Variants in RGSL1 observed in about 807,000 individuals in gnomAD.
The protein encoded by RGSL1 is regulator of G protein signaling protein-like.
A neutral mutation model predicts 124.7 loss-of-function variants in RGSL1; 97 were observed. The observed-to-expected ratio is 0.78, with a 90% confidence interval of 0.66 to 0.92. The LOEUF (loss-of-function observed/expected upper bound fraction) is 0.92, where lower values mean the gene tolerates loss of function less well. RGSL1 is among the 40% of genes least tolerant of loss of function. RGSL1 has a pLI of 0.00. For synonymous variants in RGSL1, 424 were observed against 438.1 expected (o/e 0.97, Z 0.40); for missense variants, 1,233 against 1,288.4 (o/e 0.96, Z 0.66).
Position 182,460,131 on chromosome 1 carries a change from G to A in RGSL1, c.299G>A (p.Gly100Glu). Residue 100 changes from glycine (G) to glutamate (E), a missense_variant and splice_region_variant, in exon 4 of 22, where the codon GGA (glycine) becomes GAA (glutamate). Gly to Glu is a moderately conservative substitution (Grantham distance 98). Coordinates refer to ENST00000294854, the MANE Select transcript of RGSL1 (RefSeq NM_001137669.2). ...ATCAGTTTCATTAAGTCCCCAGAAGGAGGTAAGCATTGGTGTGCATGCGTG... is the reference window on the plus strand; with the variant it reads ...ATCAGTTTCATTAAGTCCCCAGAAGAAGGTAAGCATTGGTGTGCATGCGTG... ...EFISFIKSPEGGEELVDFWIL... is the reference protein window; with the variant it reads ...EFISFIKSPEEGEELVDFWIL... 12 of 1,549,742 alleles carry A rather than the reference G, an allele frequency of 7.7e-6. No homozygotes were observed. Among genetic ancestry groups the A allele is most frequent in the Admixed American group, 3.9e-5 (2 of 50,830 alleles).
At chr1:182,552,369 G>A (rs760046079) in intron 18 of RGSL1, among the ~76,000 whole-genome samples, 57 of 152,178 alleles carry the variant, frequency 3.7e-4, no homozygotes, top group Admixed American at 6.5e-4. Context: ...CCCCCTCAGT[G>A]TCCCAAAGTG....
chr1:182,508,216 C>G (rs1035424671), intron 9 of RGSL1, among the ~76,000 whole-genome samples: 4 of 151,184 alleles, frequency 2.6e-5, no homozygotes, highest in African/African-American at 9.8e-5. Context: ...TGATAAAAAG[C>G]CATTTTAACT....
At position 182,532,635 on chromosome 1, in the gene RGSL1, A is replaced by G. The variant is rs1659255122; in HGVS notation, c.2365-27A>G. On this transcript the variant is annotated intron_variant, in intron 13 of 21. Coordinates refer to ENST00000294854, the MANE Select transcript of RGSL1 (RefSeq NM_001137669.2). ...GTGAACAGCAACCATACTAATGAAC[A>G]TGTTATACTCCTCTTTCTTTCCCCA... The G allele has an allele frequency of 1.9e-6, 3 of 1,547,768 alleles. No individual in the cohort carries two copies. In the Admixed American group the frequency reaches 5.9e-5, roughly 30 times the overall value.
At chr1:182,523,731 A>G (rs189994443) in intron 10 of RGSL1, among the ~76,000 whole-genome samples, 10 of 152,340 alleles carry the variant, frequency 6.6e-5, no homozygotes, top group Admixed American at 1.3e-4. Flanking sequence ...TATTGATTAT[A>G]TACTGTATTC....
At chr1:182,500,443 G>T (rs1225414562) in intron 9 of RGSL1, among the ~76,000 whole-genome samples, 1 of 152,168 alleles carries the variant, frequency 6.6e-6, no homozygotes, top group Non-Finnish European at 1.5e-5. Context: ...ATCAGGAGAT[G>T]TGAGTCCTTC....
In RGSL1 at chr1:182,530,838, A is replaced by G. The variant is rs1352335889; in HGVS notation, c.2292A>G (p.Glu764=). Residue 764 remains glutamate (E), a synonymous_variant, in exon 13 of 22, where the codon GAA becomes GAG. Transcript: ENST00000294854. ...TCCCACCTCACCATCAGGAGGTGGA[A>G]GTGCAAAGTGAAGTACAAATTTCGT... is the stretch of plus-strand genomic sequence containing the variant. ...DLFPPHHQEV[E]VQSEVQISSR... 1 of 1,550,220 alleles carries G rather than the reference A, an allele frequency of 6.5e-7. No individual in the cohort carries two copies. Among genetic ancestry groups the G allele is most frequent in the Non-Finnish European group, 8.7e-7 (1 of 1,146,220 alleles).
At chr1:182,507,651 C>A (rs932169694) in intron 9 of RGSL1, among the ~76,000 whole-genome samples, 13 of 151,730 alleles carry the variant, frequency 8.6e-5, no homozygotes, top group African/African-American at 3.1e-4. Context: ...TTAGGTTGAT[C>A]TCATATCTTG....
intron 9 of RGSL1, among the ~76,000 whole-genome samples, chr1:182,503,240 T>G (rs985094974): frequency 6.6e-6 from 1 of 152,152 alleles, no homozygotes. Context: ...TAGCCAAGAT[T>G]TGGAAGCAAC....
At chr1:182,522,828 A>G (rs1030598586) in intron 10 of RGSL1, among the ~76,000 whole-genome samples, 4 of 152,138 alleles carry the variant, frequency 2.6e-5, no homozygotes, top group Admixed American at 6.5e-5. Context: ...TGACTTGACT[A>G]TAATTTTCTT....
chr1:182,532,576 T>C (rs886781732), intron 13 of RGSL1, 86 bp from the exon 14 acceptor site: 15 of 1,329,846 alleles, frequency 1.1e-5, no homozygotes, highest in Non-Finnish European at 1.4e-5. Context: ...TTAAATGTAG[T>C]GAATACCAAG....
Position 182,551,204 on chromosome 1 carries a change from G to C in RGSL1, c.3038G>C (p.Ser1013Thr). The C allele has an allele frequency of 1.3e-6, 2 of 1,549,304 alleles. No individual in the cohort carries two copies. The highest frequency in any genetic ancestry group is 1.7e-6 in the Non-Finnish European group (2 of 1,145,216). ...PKSTDKYPFS[S>T]GGDNAILRFT... ...TCTACGGACAAGTATCCTTTCTCGA[G>C]TGGAGGTAAGCTCCACCACGACTCA... The change falls in exon 18 of 22, where the codon AGT becomes ACT. Residue 1013 changes from serine (S) to threonine (T), a missense_variant. Transcript: ENST00000294854.
At chr1:182,476,439 G>A (rs138912204) in intron 6 of RGSL1, among the ~76,000 whole-genome samples, 1 of 152,098 alleles carries the variant, frequency 6.6e-6, no homozygotes, top group African/African-American at 2.4e-5. Flanking sequence ...AAACCCTGTT[G>A]GCATTACCTT....
At chr1:182,530,708 G>C in intron 12 of RGSL1, 82 bp from the exon 13 acceptor site, 2 of 1,401,570 alleles carry the variant, frequency 1.4e-6, no homozygotes, top group Non-Finnish European at 1.9e-6. Flanking sequence ...TCCTCCAGAA[G>C]CTGAGGTAGG....
chr1:182,514,506 C>T (rs1173764563), intron 9 of RGSL1, among the ~76,000 whole-genome samples: 1 of 152,230 alleles, frequency 6.6e-6, no homozygotes, highest in African/African-American at 2.4e-5. Flanking sequence ...CATCACGTCT[C>T]TCCAGGAGAG....
upstream of RGSL1, chr1:182,450,077 T>A: frequency 6.8e-7 from 1 of 1,464,076 alleles, no homozygotes; most frequent in Admixed American, 2.0e-5. Flanking sequence ...AGAGAAGGTG[T>A]CATTACGTGT....
At chr1:182,525,474 G>T (rs1658673671) in intron 10 of RGSL1, among the ~76,000 whole-genome samples, 1 of 152,042 alleles carries the variant, frequency 6.6e-6, no homozygotes, top group South Asian at 2.1e-4. Context: ...AAAAAATCTG[G>T]AGTTGAAAAG....
chr1:182,496,658 G>A (rs972488453), intron 9 of RGSL1, among the ~76,000 whole-genome samples: 5 of 152,166 alleles, frequency 3.3e-5, no homozygotes, highest in Admixed American at 2.6e-4. Flanking sequence ...TTATACCAGA[G>A]CCTTAACTTG....
In RGSL1 at chr1:182,453,964, T is replaced by G. The variant is rs1558214970; in HGVS notation, c.20T>G (p.Ile7Ser). The change falls in exon 2 of 22, where the codon ATT (isoleucine) becomes AGT (serine). Residue 7 changes from isoleucine (I) to serine (S), a missense_variant. Transcript: ENST00000294854. ...TTTCTCTCTCTCCATATAGAGATAA[T>G]TGGTTCTACAAATCTTATAATTCTG... is the stretch of plus-strand genomic sequence containing the variant. MSSAEIIGSTNLIILLE... is the reference protein window; with the variant it reads MSSAEISGSTNLIILLE... The G allele has an allele frequency of 6.7e-7, 1 of 1,494,540 alleles. No individual in the cohort carries two copies. 92.6% of individuals were successfully genotyped at this position (1,494,540 alleles called of 1,614,324 possible). A position where few individuals can be genotyped will look rare whatever the true frequency, so the allele number is the denominator to read the frequency against.
chr1:182,464,936 T>C (rs1653159080), intron 4 of RGSL1, among the ~76,000 whole-genome samples: 1 of 151,164 alleles, frequency 6.6e-6, no homozygotes, highest in Admixed American at 6.6e-5. Context: ...AAAATAAAAA[T>C]AAAAAATCCA....
Sources: allele counts gnomAD v4.1 joint callset (sites outside exome capture counted in the v4.1 genomes callset), GRCh38; gene constraint gnomAD v4.1.1; transcripts MANE v1.5; gene names NCBI Gene and HGNC (gene_info 2026-07-23, HGNC 2026-07-21).